The following DLGAP2 variants were observed in gnomAD, a reference collection of about 807,000 sequenced individuals.
The protein encoded by DLGAP2 is DLG associated protein 2, also known as disks large-associated protein 2.
In DLGAP2, 26 loss-of-function variants were observed where a neutral mutation model predicts 100.3. The ratio of observed to expected loss-of-function variants is 0.26; its 90% confidence interval spans 0.19 to 0.36. The LOEUF (loss-of-function observed/expected upper bound fraction) is 0.36. DLGAP2 is among the 10% of genes least tolerant of loss of function. DLGAP2 has a pLI of 1.00. For synonymous variants in DLGAP2, 886 were observed against 630.1 expected (o/e 1.41, Z -6.08); for missense variants, 1,858 against 1,453.2 (o/e 1.28, Z -4.53).
chr8:1,358,861 G>A (rs1321687701), intron 3 of DLGAP2, among the ~76,000 whole-genome samples: 1 of 150,706 alleles, frequency 6.6e-6, no homozygotes, highest in African/African-American at 2.4e-5. Flanking sequence ...GGCAGGGCGT[G>A]GGCTGTCTGC....
At chr8:961,458 T>C (rs563319265) in intron 2 of DLGAP2, among the ~76,000 whole-genome samples, 1 of 152,312 alleles carries the variant, frequency 6.6e-6, no homozygotes, top group African/African-American at 2.4e-5. Context: ...AGAAGTGACA[T>C]TCTTTTCTTT....
At chr8:1,137,616 A>G (rs1200135615) in intron 2 of DLGAP2, 6 of 152,236 alleles carry the variant, frequency 3.9e-5, no homozygotes, top group Non-Finnish European at 8.8e-5. Flanking sequence ...GAATGTTTCT[A>G]GTATTCACAG....
At chr8:1,537,315 G>A (rs568240913) in intron 4 of DLGAP2, among the ~76,000 whole-genome samples, 1 of 152,194 alleles carries the variant, frequency 6.6e-6, no homozygotes, top group South Asian at 2.1e-4. Flanking sequence ...GTGTGTGCCT[G>A]TGTGTGTGGT....
At chr8:1,026,939 T>A (rs1480665161) in intron 2 of DLGAP2, among the ~76,000 whole-genome samples, 1 of 152,258 alleles carries the variant, frequency 6.6e-6, no homozygotes, top group East Asian at 1.9e-4. Context: ...TTTTAAGATA[T>A]GCCTGTTCTA....
At chr8:1,244,415 A>G (rs1284601583) in intron 2 of DLGAP2, among the ~76,000 whole-genome samples, 1 of 152,228 alleles carries the variant, frequency 6.6e-6, no homozygotes, top group Admixed American at 6.5e-5. Context: ...GAAAGGCAAA[A>G]TATTGTGTTA....
intron 8 of DLGAP2, among the ~76,000 whole-genome samples, chr8:1,645,553 C>T (rs1021666517): frequency 2.6e-5 from 4 of 152,094 alleles, no homozygotes; most frequent in African/African-American, 9.7e-5. Context: ...TATTTTTTCC[C>T]TGTAATGATG....
chr8:879,039 G>A (rs1797735723), intron 1 of DLGAP2, among the ~76,000 whole-genome samples: 1 of 152,166 alleles, frequency 6.6e-6, no homozygotes, highest in Non-Finnish European at 1.5e-5. Context: ...ATCCTAATTG[G>A]CCAAAACCAA....
At position 1,514,468 on chromosome 8, in the gene DLGAP2, G is replaced by A. The variant is rs147954076; in HGVS notation, c.172+13037G>A. 9.9e-3 allele frequency among the ~76,000 whole-genome samples: 1,511 copies of A among 152,298 alleles called. 22 individuals are homozygous for A. The highest frequency in any genetic ancestry group is 0.033 in the African/African-American group (1,389 of 41,548). On this transcript the variant is annotated intron_variant, in intron 4 of 14. Coordinates refer to ENST00000637795, the MANE Select transcript of DLGAP2 (RefSeq NM_001346810.2). ...TTCAGCTACTGTATCAAGGAACAGCGAGAAAATATTGTGTTGGAGAATATA... is the reference window on the plus strand; with the variant it reads ...TTCAGCTACTGTATCAAGGAACAGCAAGAAAATATTGTGTTGGAGAATATA...
At chr8:1,182,806 G>C (rs1797419033) in intron 2 of DLGAP2, among the ~76,000 whole-genome samples, 1 of 152,196 alleles carries the variant, frequency 6.6e-6, no homozygotes, top group South Asian at 2.1e-4. Flanking sequence ...GAGTCCACGG[G>C]TCGGCAACTC....
intron 2 of DLGAP2, among the ~76,000 whole-genome samples, chr8:1,170,094 T>A (rs893410386): frequency 6.6e-6 from 1 of 152,014 alleles, no homozygotes; most frequent in African/African-American, 2.4e-5. Flanking sequence ...TAGCATGAAG[T>A]GTTGTTGAAT....
intron 3 of DLGAP2, among the ~76,000 whole-genome samples, chr8:1,445,621 G>A (rs1311293620): frequency 6.6e-6 from 1 of 152,106 alleles, no homozygotes; most frequent in African/African-American, 2.4e-5. Context: ...GGGATGGCTG[G>A]GTCAAATGGT....
At chr8:1,524,412 G>T (rs553021232) in intron 4 of DLGAP2, among the ~76,000 whole-genome samples, 3 of 152,170 alleles carry the variant, frequency 2.0e-5, no homozygotes, top group African/African-American at 7.2e-5. Context: ...GAACTGAAAT[G>T]CTCCCTGTAG....
intron 3 of DLGAP2, among the ~76,000 whole-genome samples, chr8:1,343,469 G>A (rs1316654825): frequency 2.0e-5 from 3 of 152,152 alleles, no homozygotes; most frequent in Non-Finnish European, 4.4e-5. Flanking sequence ...CTGGTCTCCA[G>A]CTCCCTCAGA....
intron 4 of DLGAP2, among the ~76,000 whole-genome samples, chr8:1,548,195 C>T (rs148100656): frequency 2.0e-5 from 3 of 152,226 alleles, no homozygotes; most frequent in Non-Finnish European, 4.4e-5. Context: ...TGTCCTGGCT[C>T]ATATCTGTAA....
At chr8:778,715 C>A (rs1029580848) in intron 1 of DLGAP2, among the ~76,000 whole-genome samples, 35 of 152,214 alleles carry the variant, frequency 2.3e-4, no homozygotes, top group Admixed American at 2.2e-3. Flanking sequence ...TCTCCAGCTG[C>A]GTACTGGGAG....
At chr8:806,816 A>G (rs993975556) in intron 1 of DLGAP2, among the ~76,000 whole-genome samples, 4 of 152,244 alleles carry the variant, frequency 2.6e-5, no homozygotes, top group Non-Finnish European at 4.4e-5. Flanking sequence ...AAGAGGTTAT[A>G]TAAGTTAGAG....
intron 3 of DLGAP2, among the ~76,000 whole-genome samples, chr8:1,370,638 C>A (rs10092136): frequency 0.39 from 59,651 of 152,112 alleles, 11,845 homozygotes; most frequent in South Asian, 0.45. Context: ...GGAGCTGTCA[C>A]ACCCAATGAG....
At chr8:1,299,295 A>G (rs1254501564) in intron 3 of DLGAP2, among the ~76,000 whole-genome samples, 1 of 152,182 alleles carries the variant, frequency 6.6e-6, no homozygotes, top group Non-Finnish European at 1.5e-5. Context: ...TGCCGCATGG[A>G]TGGTCTGTCT....
At chr8:1,166,700 A>G (rs1013903930) in intron 2 of DLGAP2, among the ~76,000 whole-genome samples, 3 of 152,124 alleles carry the variant, frequency 2.0e-5, no homozygotes, top group Non-Finnish European at 2.9e-5. Flanking sequence ...CCACATTGTG[A>G]ACGTGTATCT....
Sources: allele counts gnomAD v4.1 joint callset (sites outside exome capture counted in the v4.1 genomes callset), GRCh38; gene constraint gnomAD v4.1.1; transcripts MANE v1.5; gene names NCBI Gene and HGNC (gene_info 2026-07-23, HGNC 2026-07-21).